Variants in CDHR4 observed in about 807,000 individuals in gnomAD.
CDHR4 encodes cadherin-related family member 4.
A neutral mutation model predicts 88.4 loss-of-function variants in CDHR4; 89 were observed. The ratio of observed to expected loss-of-function variants is 1.01; its 90% CI spans 0.85 to 1.20. The LOEUF (loss-of-function observed/expected upper bound fraction) is 1.20. Ranked by LOEUF, CDHR4 falls within the 50% of genes most tolerant of loss-of-function variation. The pLI is 0.00. For synonymous variants in CDHR4, 368 were observed against 399.2 expected (o/e 0.92, Z 0.93); for missense variants, 914 against 1,007.2 (o/e 0.91, Z 1.25).
chr3:49,802,296 C>T (rs754272735), upstream of CDHR4, among the ~76,000 whole-genome samples: 14 of 152,164 alleles, frequency 9.2e-5, no homozygotes, highest in Non-Finnish European at 1.8e-4. Context: ...GCCTCAGCCT[C>T]AGGAGTAGCT....
In CDHR4 at chr3:49,797,007, A is replaced by G; in HGVS notation, c.521T>C (p.Leu174Pro). The change falls in exon 5 of 19, where the codon CTG becomes CCG. Residue 174 changes from leucine to proline, a missense_variant. Coordinates refer to ENST00000412678, the MANE Select transcript of CDHR4 (RefSeq NM_001007540.4). Reference sequence around the variant, plus strand: ...GGAGAAAGGTCCAGGGAAGTGTGGCAGGTCCTGGGCACTGATAATGCTCAT... The same window carrying G: ...GGAGAAAGGTCCAGGGAAGTGTGGCGGGTCCTGGGCACTGATAATGCTCAT... ...AQMSIISAQD[L>P]PHFPGPFSIN... 1 of 1,551,686 alleles carries G rather than the reference A, an allele frequency of 6.4e-7. No individual in the cohort carries two copies. Among genetic ancestry groups the G allele is most frequent in the South Asian group, 1.2e-5 (1 of 84,062 alleles).
chr3:49,792,412 C>T, intron 15 of CDHR4, 56 bp downstream of exon 15: 1 of 1,542,412 alleles, frequency 6.5e-7, no homozygotes, highest in South Asian at 1.2e-5. Context: ...CCCATCACAA[C>T]TGGGGTCCAT....
At chr3:49,799,627 G>A in intron 1 of CDHR4, 137 bp downstream of exon 1, 1 of 1,072,820 alleles carries the variant, frequency 9.3e-7, no homozygotes, top group Non-Finnish European at 1.4e-6. Context: ...GTGGCCAAGA[G>A]AAGGGGTGAG....
upstream of CDHR4, among the ~76,000 whole-genome samples, chr3:49,801,055 A>G (rs1044239992): frequency 8.6e-5 from 13 of 152,000 alleles, no homozygotes; most frequent in Non-Finnish European, 1.8e-4. Context: ...CTGTCTCAAA[A>G]AAAAAAACAA....
upstream of CDHR4, among the ~76,000 whole-genome samples, chr3:49,802,505 T>C (rs1470942400): frequency 6.6e-6 from 1 of 152,228 alleles, no homozygotes; most frequent in Non-Finnish European, 1.5e-5. Flanking sequence ...TGCATCTTGA[T>C]GTCACCTCCT....
At chr3:49,792,808 A>G in intron 14 of CDHR4, 46 bp downstream of exon 14, 1 of 1,493,802 alleles carries the variant, frequency 6.7e-7, no homozygotes, top group Non-Finnish European at 9.0e-7. Flanking sequence ...TCACTCTCCA[A>G]GGTCCACCCT....
In CDHR4 at chr3:49,795,817, T is replaced by A. The variant is rs1304289195; in HGVS notation, c.711-53A>T. The A allele has an allele frequency of 3.9e-6, 6 of 1,546,364 alleles. No individual in the cohort carries two copies. Among genetic ancestry groups the A allele is most frequent in the Non-Finnish European group, 5.2e-6 (6 of 1,143,816 alleles). The stretch of plus-strand genomic sequence containing the variant: ...TGCCCATTCCTGCTCAACCTGTGGG[T>A]CCACAGCTTCCTTCCCTGGGCCCCC... On this transcript the variant is annotated intron_variant, in intron 6 of 18. Coordinates refer to ENST00000412678, the MANE Select transcript of CDHR4 (RefSeq NM_001007540.4). This position sits in a 1 kb window ranked among gnomAD's most constrained non-coding sequence, Gnocchi z 5.4.
upstream of CDHR4, among the ~76,000 whole-genome samples, chr3:49,800,919 G>A (rs2081351809): frequency 6.6e-6 from 1 of 151,546 alleles, no homozygotes; most frequent in Non-Finnish European, 1.5e-5. Flanking sequence ...GAGTGTGGTG[G>A]CACATGCCTG....
chr3:49,793,651 C>G lies in CDHR4; in HGVS notation c.1555G>C (p.Asp519His), dbSNP rs1405888244. 1 of 1,551,618 alleles carries G rather than the reference C, an allele frequency of 6.4e-7. No homozygotes were observed. The highest frequency in any genetic ancestry group is 1.4e-5 in the African/African-American group (1 of 73,058). The change falls in exon 12 of 19, where the codon GAC becomes CAC. Residue 519 changes from aspartate to histidine, a missense_variant. Physicochemically the swap from Asp to His is moderately conservative, Grantham distance 81 (BLOSUM62 -1). Transcript: ENST00000412678. ...TTGGGGTTCTGGTCTTGGCCATGGT[C>G]AATCACAAGGACAGTGAGCCTGTAC... is the stretch of plus-strand genomic sequence containing the variant. ...RLYRLTVLVIDHGQDQNPNHH... is the reference protein window; with the variant it reads ...RLYRLTVLVIHHGQDQNPNHH...
At chr3:49,800,729 G>T (rs973153701), upstream of CDHR4, among the ~76,000 whole-genome samples, 1 of 151,882 alleles carries the variant, frequency 6.6e-6, no homozygotes, top group Admixed American at 6.6e-5. Context: ...GTAACTTTGA[G>T]ATCTGTCTAT....
chr3:49,799,185 G>T, intron 2 of CDHR4, 29 bp from the exon 3 acceptor site: 2 of 1,597,330 alleles, frequency 1.3e-6, no homozygotes, highest in Non-Finnish European at 1.7e-6. Flanking sequence ...GCCATGTGGG[G>T]CTTGGAAATT....
rs1490437406 is a variant in CDHR4 at position 49,793,705 on chromosome 3, C to T, written c.1501G>A (p.Gly501Arg). 2 of 1,551,570 alleles carry T rather than the reference C, an allele frequency of 1.3e-6. No homozygotes were observed. Among genetic ancestry groups the T allele is most frequent in the Non-Finnish European group, 1.7e-6 (2 of 1,146,992 alleles). The change falls in exon 12 of 19, where the codon GGA becomes AGA. Residue 501 changes from glycine to arginine, a missense_variant. Transcript: ENST00000412678. ...CTCTGCTGCTCATAGTCCAAAGGTC[C>T]CAGGAGGTGAACTTCCCCTAGAGGG... ...DRLSGEVHLL[G>R]PLDYEQQRLY...
Position 49,799,763 on chromosome 3 carries a change from C to A in CDHR4, c.49+1G>T, listed in dbSNP as rs1345478334. The A allele has an allele frequency of 1.2e-6, 2 of 1,613,874 alleles. No individual in the cohort carries two copies. The highest frequency in any genetic ancestry group is 2.2e-5 in the East Asian group (1 of 44,884). The stretch of plus-strand genomic sequence containing the variant: ...GGTTCCCCCACCCACCACCTCCTCA[C>A]CAGAGACCACCGGAGCAAAGAGGAA... On this transcript the variant is annotated splice_donor_variant, in intron 1 of 18. Coordinates refer to ENST00000412678, the MANE Select transcript of CDHR4 (RefSeq NM_001007540.4). LOFTEE classifies it high-confidence loss of function.
In CDHR4 at chr3:49,791,942, T is replaced by C. The variant is rs2081186061; in HGVS notation, c.2156A>G (p.Gln719Arg). ...RLLQGLAQLL[Q>R]APSKPAQALL... ...AGCCTGGGCTGGTTTGCTGGGTGCT[T>C]GCAGCAGCTGGGCCAACCTAAAATG... is the stretch of plus-strand genomic sequence containing the variant. The change falls in exon 16 of 19, where the codon CAA becomes CGA. Residue 719 changes from glutamine to arginine, a missense_variant. Gln to Arg is a conservative substitution (Grantham distance 43). Transcript: ENST00000412678. 6.4e-7 allele frequency: 1 copy of C among 1,551,674 alleles called. No homozygotes were observed. The highest frequency in any genetic ancestry group is 8.7e-7 in the Non-Finnish European group (1 of 1,146,970).
intron 4 of CDHR4, 92 bp from the exon 5 acceptor site, chr3:49,797,124 G>A (rs950737325): frequency 3.3e-6 from 3 of 904,524 alleles, no homozygotes; most frequent in East Asian, 2.7e-5. Context: ...CAGCAACCCA[G>A]CAGGCACCTG....
At position 49,794,065 on chromosome 3, in the gene CDHR4, T is replaced by C. The variant is rs1199030479; in HGVS notation, c.1280-59A>G. 3.3e-6 allele frequency: 5 copies of C among 1,505,682 alleles called. No individual in the cohort carries two copies. The African/African-American group carries it at 6.9e-5, about 21-fold the overall frequency. The allele number at this position is 1,505,682 out of a possible 1,614,324, so 93.3% of individuals were successfully genotyped here. A position where few individuals can be genotyped will look rare whatever the true frequency, so the allele number is the denominator to read the frequency against. On this transcript the variant is annotated intron_variant, in intron 10 of 18. Coordinates refer to ENST00000412678, the MANE Select transcript of CDHR4 (RefSeq NM_001007540.4). ...GGGGTAACTATCCCTGAACTGGGGG[T>C]CTGAGGAGGGAGACAGGGCCCTGCC...
intron 15 of CDHR4, among the ~76,000 whole-genome samples, 171 bp downstream of exon 15, chr3:49,792,297 C>G (rs185556697): frequency 2.0e-5 from 3 of 152,348 alleles, no homozygotes; most frequent in East Asian, 1.9e-4. Flanking sequence ...CTCCCAGTGT[C>G]TCTCTGACCC....
intron 15 of CDHR4, 106 bp from the exon 16 acceptor site, chr3:49,792,065 G>A (rs1368324511): frequency 2.7e-6 from 3 of 1,111,370 alleles, no homozygotes; most frequent in Non-Finnish European, 4.0e-6. Context: ...ACCAATGTCT[G>A]TATGCAGTGC....
At chr3:49,791,636 A>C in intron 17 of CDHR4, 78 bp downstream of exon 17, 1 of 1,500,500 alleles carries the variant, frequency 6.7e-7, no homozygotes, top group African/African-American at 1.4e-5. Flanking sequence ...GGGGCATGGG[A>C]AAAAAGGCTT....
Sources: gnomAD v4.1 joint callset for allele counts (sites outside exome capture counted in the v4.1 genomes callset) on GRCh38, gnomAD v4.1.1 for gene constraint, Gnocchi (gnomAD v3.1) non-coding constraint, MANE v1.5 for transcripts, NCBI Gene and HGNC (gene_info 2026-07-23, HGNC 2026-07-21) for gene names.